Variants in AGL observed in about 807,000 individuals in gnomAD.
The protein encoded by AGL is glycogen debranching enzyme.
A neutral mutation model predicts 199.3 loss-of-function variants in AGL; 128 were observed. That is an observed-to-expected ratio of 0.64 (90% CI 0.56 to 0.74). The LOEUF (loss-of-function observed/expected upper bound fraction) is 0.74. AGL is among the 30% of genes least tolerant of loss of function. The pLI is 0.00. For synonymous variants in AGL, 584 were observed against 594.7 expected, an observed-to-expected ratio of 0.98 and a Z score of 0.26; for missense variants, 1,809 against 1,820.8, an observed-to-expected ratio of 0.99 and a Z score of 0.12.
chr1:99,909,292 A>G (rs1654558344), intron 27 of AGL, among the ~76,000 whole-genome samples: 1 of 151,914 alleles, frequency 6.6e-6, no homozygotes, highest in African/African-American at 2.4e-5. Context: ...GCCACCTACT[A>G]CTGCCAGGTT....
At chr1:99,850,879 A>G in intron 1 of AGL, 96 bp from the exon 2 acceptor site, 4 of 714,614 alleles carry the variant, frequency 5.6e-6, no homozygotes, top group Non-Finnish European at 1.0e-5. Context: ...TCTGCTAGGC[A>G]TAAAACACAC....
chr1:99,852,754 C>G (rs1179605917), intron 2 of AGL: 1 of 779,452 alleles, frequency 1.3e-6, no homozygotes, highest in African/African-American at 1.7e-5. Flanking sequence ...GGTTTTGAGA[C>G]TCAAAATTAA....
Position 99,864,486 on chromosome 1 carries a change from A to T in AGL, c.561A>T (p.Arg187Ser), listed in dbSNP as rs1430648609. 1.2e-6 allele frequency: 2 copies of T among 1,613,748 alleles called. No individual in the cohort carries two copies. Among genetic ancestry groups the T allele is most frequent in the African/African-American group, 2.7e-5 (2 of 74,894 alleles). The change falls in exon 5 of 34, where the codon AGA becomes AGT. Residue 187 changes from arginine (R) to serine (S), a missense_variant. Arg to Ser is a moderately radical substitution (Grantham distance 110). Coordinates refer to ENST00000361915, the MANE Select transcript of AGL (RefSeq NM_000642.3). Reference protein sequence around the residue: ...NQLELNPDFSRPNRKYTWNDV... With the variant: ...NQLELNPDFSSPNRKYTWNDV... ...TAGAATTAAATCCTGACTTTTCAAG[A>T]CCTAATAGAAAGTATACCTGGAATG... is the stretch of plus-strand genomic sequence containing the variant.
In AGL at chr1:99,896,340, T is replaced by C. The variant is rs1469614748; in HGVS notation, c.3314T>C (p.Ile1105Thr). 4 of 1,614,024 alleles carry C rather than the reference T, an allele frequency of 2.5e-6. No homozygotes were observed. The highest frequency in any genetic ancestry group is 3.3e-5 in the Admixed American group (2 of 60,010). Residue 1105 changes from isoleucine to threonine, a missense_variant, in exon 25 of 34, where the codon ATT becomes ACT. Ile to Thr is a moderately conservative substitution (Grantham distance 89). Coordinates refer to ENST00000361915, the MANE Select transcript of AGL (RefSeq NM_000642.3). ...IFRCWGRDTF[I>T]ALRGILLITG... is the part of the protein sequence containing the mutation. The stretch of plus-strand genomic sequence containing the variant: ...CGCTGCTGGGGAAGGGATACTTTTA[T>C]TGCACTTAGAGGTATACTGCTGATT...
chr1:99,905,147 C>A (rs1361632135), intron 27 of AGL, among the ~76,000 whole-genome samples: 1 of 152,106 alleles, frequency 6.6e-6, no homozygotes, highest in African/African-American at 2.4e-5. Flanking sequence ...TGGTGGTACC[C>A]CTTTCTTTTA....
chr1:99,916,201 G>A (rs1299225760), intron 31 of AGL, among the ~76,000 whole-genome samples: 3 of 152,090 alleles, frequency 2.0e-5, no homozygotes, highest in African/African-American at 7.2e-5. Flanking sequence ...ACCAGTATTT[G>A]TTAATCATTT....
chr1:99,911,059 G>A (rs113637175), intron 28 of AGL, among the ~76,000 whole-genome samples: 4 of 152,204 alleles, frequency 2.6e-5, no homozygotes, highest in South Asian at 2.1e-4. Flanking sequence ...GTAAGTGCTC[G>A]TGGGTTGATT....
intron 28 of AGL, 141 bp downstream of exon 28, chr1:99,910,988 A>G (rs1570505412): frequency 2.4e-6 from 2 of 839,310 alleles, no homozygotes; most frequent in Non-Finnish European, 3.8e-6. Flanking sequence ...TCATCTCCCC[A>G]TTATACATTT....
intron 25 of AGL, among the ~76,000 whole-genome samples, chr1:99,899,725 G>A (rs562392411): frequency 1.7e-3 from 256 of 151,602 alleles, no homozygotes; most frequent in Non-Finnish European, 2.8e-3. Context: ...GGTTCACGCC[G>A]TTCTCCTGCC....
Position 99,892,416 on chromosome 1 carries a change from A to T in AGL, c.3084-16A>T, listed in dbSNP as rs763825796. On this transcript the variant is annotated splice_polypyrimidine_tract_variant and intron_variant, in intron 23 of 33. Coordinates refer to ENST00000361915, the MANE Select transcript of AGL (RefSeq NM_000642.3). Reference sequence around the variant, plus strand: ...TGTATTTCTACAAGTAATAAATTCAATCACTTTTGTTACAGCTTTGTTCAG... The same window carrying T: ...TGTATTTCTACAAGTAATAAATTCATTCACTTTTGTTACAGCTTTGTTCAG... 6.2e-7 allele frequency: 1 copy of T among 1,611,886 alleles called. No individual in the cohort carries two copies.
intron 5 of AGL, 121 bp from the exon 6 acceptor site, chr1:99,870,279 A>G: frequency 1.1e-5 from 11 of 1,008,222 alleles, no homozygotes; most frequent in Non-Finnish European, 1.6e-5. Flanking sequence ...CGTAAAATTG[A>G]TGTCCAATAT....
In AGL at chr1:99,891,351, G is replaced by A. The variant is rs781463740; in HGVS notation, c.2944G>A (p.Ala982Thr). Residue 982 changes from alanine to threonine, a missense_variant, in exon 22 of 34, where the codon GCT becomes ACT. Physicochemically the swap from Ala to Thr is moderately conservative, Grantham distance 58. Transcript: ENST00000361915. Reference sequence around the variant, plus strand: ...GCTTATTTCACGATCAGGAACTATTGCTGAAGTAAGTAGAGCTATATTATC... The same window carrying A: ...GCTTATTTCACGATCAGGAACTATTACTGAAGTAAGTAGAGCTATATTATC... The part of the protein sequence containing the change: ...NRLISRSGTI[A>T]EVGKWLQAMF... The A allele has an allele frequency of 6.8e-6, 11 of 1,613,478 alleles. No homozygotes were observed. Among genetic ancestry groups the A allele is most frequent in the Non-Finnish European group, 5.9e-6 (7 of 1,179,650 alleles).
chr1:99,856,309 TCCC>T lies in AGL; in HGVS notation c.82+5186_82+5188del, dbSNP rs1450797785. ...AATATAACATCCCTTCCTTCCTTCC[TCCC>T]TCCCTCCCTTCCTTCCTCCCTCCCT... On this transcript the variant is annotated intron_variant, in intron 2 of 33. Coordinates refer to ENST00000361915, the MANE Select transcript of AGL (RefSeq NM_000642.3). Among the ~76,000 whole-genome samples, 18 of 13,890 alleles carry T rather than the reference TCCC, an allele frequency of 1.3e-3. No individual in the cohort carries two copies. The Admixed American group carries it at 0.015, about 12-fold the overall frequency. 9.1% of individuals were successfully genotyped at this position (13,890 alleles called of 152,430 possible).
chr1:99,862,663 G>A (rs927171555), intron 4 of AGL, among the ~76,000 whole-genome samples: 1 of 152,140 alleles, frequency 6.6e-6, no homozygotes, highest in Non-Finnish European at 1.5e-5. Flanking sequence ...GGGGAAGCAG[G>A]CATGTCTTAC....
chr1:99,893,691 G>A (rs532560188), intron 24 of AGL, among the ~76,000 whole-genome samples: 17 of 152,204 alleles, frequency 1.1e-4, no homozygotes, highest in Middle Eastern at 3.4e-3. Flanking sequence ...TCTCAGGTAC[G>A]ATATAAAACA....
chr1:99,901,064 A>T (rs761508335), intron 26 of AGL, among the ~76,000 whole-genome samples: 3 of 152,114 alleles, frequency 2.0e-5, no homozygotes, highest in Non-Finnish European at 4.4e-5. Flanking sequence ...AGAGATGATG[A>T]TGTGTACATA....
chr1:99,895,613 A>G (rs937635598), intron 24 of AGL, among the ~76,000 whole-genome samples: 2 of 152,132 alleles, frequency 1.3e-5, no homozygotes, highest in Admixed American at 6.5e-5. Flanking sequence ...TTTTAAATAT[A>G]TAATTAATAT....
intron 2 of AGL, chr1:99,852,538 T>TTC (rs1553181593): frequency 2.9e-6 from 1 of 348,668 alleles, no homozygotes; most frequent in East Asian, 5.3e-5. Flanking sequence ...CCCCGCTAAT[T>TTC]TTTTTTTTTT....
rs192487260 is a variant in AGL at position 99,868,151 on chromosome 1, A to G, written c.665-2249A>G. ...TGTATCACTCCAGAAGTCCATATTT[A>G]TTTTTTAATGTTGATGTGTGTTAAA... On this transcript the variant is annotated intron_variant, in intron 5 of 33. Transcript: ENST00000361915. Among the ~76,000 whole-genome samples, 458 of 152,190 alleles carry G rather than the reference A, an allele frequency of 3.0e-3. 7 individuals carry two copies. The highest frequency in any genetic ancestry group is 0.027 in the Admixed American group (414 of 15,280).
Sources: allele counts gnomAD v4.1 joint callset (sites outside exome capture counted in the v4.1 genomes callset), GRCh38; gene constraint gnomAD v4.1.1; transcripts MANE v1.5; gene names NCBI Gene and HGNC (gene_info 2026-07-23, HGNC 2026-07-21).